The following NOL4 variants were observed in gnomAD, a reference collection of about 807,000 sequenced individuals.
NOL4 encodes cancer/testis antigen 125.
Under a neutral mutation model 75.9 loss-of-function variants are expected in NOL4, and 17 were observed. The observed-to-expected ratio is 0.22, with a 90% CI of 0.15 to 0.34. NOL4 has a LOEUF of 0.34. NOL4 is among the 10% of genes least tolerant of loss of function. NOL4 has a pLI of 1.00. For missense variants in NOL4, 614 were observed against 793.5 expected (o/e 0.77, Z 2.72); for synonymous variants, 292 against 289.9 (o/e 1.01, Z -0.07).
At chr18:33,886,607 TA>T (rs2064674006) in intron 9 of NOL4, among the ~76,000 whole-genome samples, 1 of 150,308 alleles carries the variant, frequency 6.7e-6, no homozygotes, top group African/African-American at 2.4e-5. Flanking sequence ...TAGTCAATAA[TA>T]ACTTAGTTTC....
chr18:33,926,789 G>A (rs748635417), intron 9 of NOL4, among the ~76,000 whole-genome samples: 19 of 151,996 alleles, frequency 1.3e-4, no homozygotes, highest in Non-Finnish European at 2.5e-4. Context: ...TAGTAGAGAC[G>A]GGGTTTCACC....
chr18:34,163,460 G>A (rs1460474990), intron 1 of NOL4, among the ~76,000 whole-genome samples: 1 of 151,934 alleles, frequency 6.6e-6, no homozygotes, highest in Non-Finnish European at 1.5e-5. Flanking sequence ...GACAAACAGA[G>A]AGCCAAATCA....
intron 6 of NOL4, among the ~76,000 whole-genome samples, chr18:34,016,592 T>C (rs2074709767): frequency 6.6e-6 from 1 of 152,038 alleles, no homozygotes; most frequent in African/African-American, 2.4e-5. Flanking sequence ...CTTACCCCTC[T>C]CCCATACATA....
chr18:34,213,350 T>C (rs1331515539), intron 1 of NOL4, among the ~76,000 whole-genome samples: 1 of 152,080 alleles, frequency 6.6e-6, no homozygotes, highest in African/African-American at 2.4e-5. Flanking sequence ...AGTGCAGTGG[T>C]GCAATCTTGG....
chr18:33,913,088 G>A (rs986467268), intron 9 of NOL4, among the ~76,000 whole-genome samples: 5 of 152,066 alleles, frequency 3.3e-5, no homozygotes, highest in African/African-American at 1.2e-4. Flanking sequence ...ATACTTAAGT[G>A]TTAGGCTATA....
intron 8 of NOL4, among the ~76,000 whole-genome samples, chr18:33,952,166 AT>A (rs2145675278): frequency 6.6e-6 from 1 of 152,232 alleles, no homozygotes; most frequent in African/African-American, 2.4e-5. Context: ...GGGTGTGTGA[AT>A]GTGAAGAGAA....
intron 6 of NOL4, among the ~76,000 whole-genome samples, chr18:34,018,225 C>T (rs1284770367): frequency 2.6e-5 from 4 of 152,130 alleles, no homozygotes; most frequent in Non-Finnish European, 5.9e-5. Context: ...CAGATCATGT[C>T]ATCAAATATA....
At chr18:34,189,116 A>C (rs2034718434) in intron 1 of NOL4, among the ~76,000 whole-genome samples, 1 of 152,164 alleles carries the variant, frequency 6.6e-6, no homozygotes, top group South Asian at 2.1e-4. Context: ...TGGAAGCTGG[A>C]AAGTCCAAGA....
chr18:34,037,293 T>G lies in NOL4; in HGVS notation c.773-17692A>C, dbSNP rs189352988. Among the ~76,000 whole-genome samples, 927 of 152,060 alleles carry G rather than the reference T, an allele frequency of 6.1e-3. 2 individuals carry two copies. Among genetic ancestry groups the G allele is most frequent in the Non-Finnish European group, 0.01 (704 of 67,966 alleles). On this transcript the variant is annotated intron_variant, in intron 5 of 10. Transcript: ENST00000261592. ...GAGGACACAAACAAATAGAAAGATA[T>G]CCCATGCTCATGAAAAGGAAGAATT...
At position 33,870,961 on chromosome 18, in the gene NOL4, A is replaced by G. The variant is rs1393473189; in HGVS notation, c.1723+12283T>C. Reference sequence around the variant, plus strand: ...ACATTTAATTTTGTAATCAGTTTTAATTCTGAATTTTAGTGAGTGGACCAA... The same window carrying G: ...ACATTTAATTTTGTAATCAGTTTTAGTTCTGAATTTTAGTGAGTGGACCAA... On this transcript the variant is annotated intron_variant, in intron 10 of 10. Coordinates refer to ENST00000261592, the MANE Select transcript of NOL4 (RefSeq NM_003787.5). Among the ~76,000 whole-genome samples, 9 of 152,042 alleles carry G rather than the reference A, an allele frequency of 5.9e-5. No homozygotes were observed. The East Asian group carries it at 1.7e-3, about 29-fold the overall frequency.
chr18:34,168,269 A>G (rs2032637615), intron 1 of NOL4, among the ~76,000 whole-genome samples: 1 of 152,004 alleles, frequency 6.6e-6, no homozygotes, highest in East Asian at 1.9e-4. Context: ...AAAACTGCAC[A>G]TTTCTCAATA....
intron 2 of NOL4, among the ~76,000 whole-genome samples, chr18:34,127,169 C>G (rs1469837811): frequency 6.6e-6 from 1 of 151,750 alleles, no homozygotes; most frequent in Non-Finnish European, 1.5e-5. Flanking sequence ...AAAGTTTAAG[C>G]TTTATAAATG....
intron 1 of NOL4, among the ~76,000 whole-genome samples, chr18:34,161,197 A>G (rs1425052759): frequency 6.6e-6 from 1 of 152,006 alleles, no homozygotes; most frequent in African/African-American, 2.4e-5. Flanking sequence ...TATATACCAT[A>G]TTTTCTTTAT....
At chr18:34,174,176 C>T (rs1052740172) in intron 1 of NOL4, among the ~76,000 whole-genome samples, 3 of 151,958 alleles carry the variant, frequency 2.0e-5, no homozygotes, top group Non-Finnish European at 2.9e-5. Flanking sequence ...TTAGGGGACC[C>T]GAAACTAAAG....
rs1259033116 is a variant in NOL4, at chr18:34,168,427, A to T, written c.265-38407T>A. ...CAGACTTTAACTAAAGGAACTTCTA[A>T]AGCAATAGTTTCAGGGGGGAAAAAA... is the stretch of plus-strand genomic sequence containing the variant. On this transcript the variant is annotated intron_variant, in intron 1 of 10. Coordinates refer to ENST00000261592, the MANE Select transcript of NOL4 (RefSeq NM_003787.5). Among the ~76,000 whole-genome samples, 4 of 151,828 alleles carry T rather than the reference A, an allele frequency of 2.6e-5. No homozygotes were observed. In the South Asian group the frequency reaches 8.3e-4, roughly 31 times the overall value.
At chr18:34,129,749 C>T (rs2080549053) in intron 2 of NOL4, 122 bp downstream of exon 2, 2 of 852,014 alleles carry the variant, frequency 2.3e-6, no homozygotes, top group South Asian at 5.8e-5. Flanking sequence ...TTGGGCATGA[C>T]CATCATATGG....
chr18:33,887,107 C>A (rs1233497009), intron 9 of NOL4, among the ~76,000 whole-genome samples: 3 of 136,714 alleles, frequency 2.2e-5, no homozygotes, highest in South Asian at 2.2e-4. Flanking sequence ...ATATATATAT[C>A]TCTGTATCTA....
At chr18:33,873,106 CATA>C (rs1164690573) in intron 10 of NOL4, among the ~76,000 whole-genome samples, 1 of 152,000 alleles carries the variant, frequency 6.6e-6, no homozygotes, top group East Asian at 1.9e-4. Context: ...CTTTTCTTCA[CATA>C]ATATGTTACT....
chr18:34,097,781 T>C (rs921368991), intron 4 of NOL4, among the ~76,000 whole-genome samples: 5 of 152,166 alleles, frequency 3.3e-5, no homozygotes, highest in African/African-American at 1.2e-4. Flanking sequence ...AGTAAACATC[T>C]TAATAGATAA....
Sources: gnomAD v4.1 joint callset for allele counts (sites outside exome capture counted in the v4.1 genomes callset) on GRCh38, gnomAD v4.1.1 for gene constraint, MANE v1.5 for transcripts, NCBI Gene and HGNC (gene_info 2026-07-23, HGNC 2026-07-21) for gene names.